POLN: variants seen among roughly 807,000 people sequenced by gnomAD.
The protein encoded by POLN is DNA polymerase N.
POLN carries 108 observed loss-of-function variants against 113.5 expected under a neutral mutation model. The ratio of observed to expected loss-of-function variants is 0.95; its 90% CI spans 0.81 to 1.12. The LOEUF is 1.12. Among genes scored for constraint, POLN ranks in the 50% most tolerant of loss-of-function variants. The pLI, the probability that POLN is intolerant of heterozygous loss-of-function variation, is 0.00. For synonymous variants in POLN, 386 were observed against 391.5 expected, an observed-to-expected ratio of 0.99 and a Z score of 0.17; for missense variants, 1,097 against 1,077.1, an observed-to-expected ratio of 1.02 and a Z score of -0.26.
At chr4:2,095,978 G>T in intron 19 of POLN, 45 bp from the exon 20 acceptor site, 1 of 1,525,894 alleles carries the variant, frequency 6.6e-7, no homozygotes, top group Non-Finnish European at 9.1e-7. Context: ...AGAAGGCACT[G>T]TCAGTGCAGG....
chr4:2,101,463 C>G (rs1350360743), intron 19 of POLN, among the ~76,000 whole-genome samples: 2 of 152,206 alleles, frequency 1.3e-5, no homozygotes, highest in East Asian at 3.9e-4. Flanking sequence ...GGGCTGGGAA[C>G]CAGAGTGACT....
Position 2,128,201 on chromosome 4 carries a change from G to GA in POLN, c.1893dup (p.Leu632SerfsTer18). 1 of 1,610,400 alleles carries GA rather than the reference G, an allele frequency of 6.2e-7. No homozygotes were observed. Among genetic ancestry groups the GA allele is most frequent in the Non-Finnish European group, 8.5e-7 (1 of 1,176,880 alleles). On this transcript the variant is annotated frameshift_variant, in exon 19 of 26. Transcript: ENST00000511885. LOFTEE classifies it high-confidence loss of function. ...TCCGGATCTCCAGATAAATGTGTAA[G>GA]AATGCGCAATTCAATCTGTGAAAAG...
chr4:2,180,999 A>G (rs999634570), intron 7 of POLN, among the ~76,000 whole-genome samples: 2 of 152,222 alleles, frequency 1.3e-5, no homozygotes, highest in Non-Finnish European at 2.9e-5. Flanking sequence ...AAGAAATGAC[A>G]GAATCTAGGA....
At chr4:2,072,578 G>T (rs546776286) in intron 25 of POLN, among the ~76,000 whole-genome samples, 4 of 152,222 alleles carry the variant, frequency 2.6e-5, no homozygotes, top group Non-Finnish European at 5.9e-5. Context: ...GGCTGCGGCC[G>T]GCAGACAAGG....
At chr4:2,239,098 CTTAAGA>C in intron 2 of POLN, 3 of 949,810 alleles carry the variant, frequency 3.2e-6, no homozygotes, top group Non-Finnish European at 4.5e-6. Context: ...TTGAAATCAT[CTTAAGA>C]TTATTTTCAC....
chr4:2,184,547 T>G (rs542162296), intron 7 of POLN, among the ~76,000 whole-genome samples: 27 of 150,268 alleles, frequency 1.8e-4, no homozygotes, highest in Admixed American at 1.5e-3. Flanking sequence ...AATATCAGTA[T>G]GAACTCACAG....
rs747184067 is a variant in POLN at position 2,147,643 on chromosome 4, C to CTTTT, written c.1731+9141_1731+9144dup. 6.1e-3 allele frequency among the ~76,000 whole-genome samples: 487 copies of CTTTT among 79,360 alleles called. 26 individuals are homozygous for CTTTT. The highest frequency in any genetic ancestry group is 0.019 in the African/African-American group (457 of 24,238). The allele number at this position is 79,360 out of a possible 152,430, so 52.1% of individuals were successfully genotyped here. A position where few individuals can be genotyped will look rare whatever the true frequency, so the allele number is the denominator to read the frequency against. On this transcript the variant is annotated intron_variant, in intron 16 of 25. Coordinates refer to ENST00000511885, the MANE Select transcript of POLN (RefSeq NM_181808.4). ...AGATCAGACATCCAGTTTTTCTTTT[C>CTTTT]TTTTTTTTTTTTTTTTGAGACAAAG...
chr4:2,109,676 G>A (rs1731146724), intron 19 of POLN, among the ~76,000 whole-genome samples: 1 of 152,040 alleles, frequency 6.6e-6, no homozygotes, highest in African/African-American at 2.4e-5. Context: ...AGTTTACACT[G>A]ATACTAATCT....
At chr4:2,102,662 C>T (rs570548297) in intron 19 of POLN, among the ~76,000 whole-genome samples, 1 of 152,302 alleles carries the variant, frequency 6.6e-6, no homozygotes, top group East Asian at 1.9e-4. Flanking sequence ...TCCCAGGGCA[C>T]AAGGACAGAC....
chr4:2,107,418 T>C (rs1019505115), intron 19 of POLN, among the ~76,000 whole-genome samples: 17 of 152,232 alleles, frequency 1.1e-4, no homozygotes, highest in African/African-American at 4.1e-4. Flanking sequence ...GTGTTTCATG[T>C]GTGATCTTGC....
At chr4:2,210,638 A>AGGCCG (rs1733970650) in intron 4 of POLN, among the ~76,000 whole-genome samples, 1 of 144,794 alleles carries the variant, frequency 6.9e-6, no homozygotes, top group African/African-American at 2.6e-5. Context: ...AATAAAAAAA[A>AGGCCG]GAGGCCGGGC....
chr4:2,161,681 T>C (rs1732595826), intron 13 of POLN, among the ~76,000 whole-genome samples: 1 of 152,228 alleles, frequency 6.6e-6, no homozygotes, highest in Admixed American at 6.5e-5. Context: ...GGCAGGCAGC[T>C]TCACCTGTAG....
chr4:2,101,694 C>T lies in POLN; in HGVS notation c.1983-5761G>A, dbSNP rs139193223. ...ACTGTGTGGTGCCATGAAACAATGG[C>T]GTTAGGCCTAGGCATTAGGAAAACT... On this transcript the variant is annotated intron_variant, in intron 19 of 25. Transcript: ENST00000511885. Among the ~76,000 whole-genome samples, 10 of 152,318 alleles carry T rather than the reference C, an allele frequency of 6.6e-5. No homozygotes were observed. In the South Asian group the frequency reaches 1.5e-3, roughly 22 times the overall value.
chr4:2,083,308 C>T (rs967881846), intron 21 of POLN, among the ~76,000 whole-genome samples: 3 of 152,262 alleles, frequency 2.0e-5, no homozygotes, highest in African/African-American at 7.2e-5. Context: ...CCAGACCACT[C>T]TGCAGTCTGC....
chr4:2,147,643 C>CTTT (rs747184067), intron 16 of POLN, among the ~76,000 whole-genome samples: 13 of 79,364 alleles, frequency 1.6e-4, no homozygotes, highest in Admixed American at 1.0e-3. Context: ...TTTTTCTTTT[C>CTTT]TTTTTTTTTT....
At chr4:2,156,644 A>C (rs1732441232) in intron 16 of POLN, 144 bp downstream of exon 16, 1 of 711,976 alleles carries the variant, frequency 1.4e-6, no homozygotes, top group Non-Finnish European at 2.5e-6. Context: ...ATGTTCTCAG[A>C]ATAAACAGAA....
At chr4:2,129,048 T>G (rs1318452563) in intron 18 of POLN, 131 bp downstream of exon 18, 1 of 620,458 alleles carries the variant, frequency 1.6e-6, no homozygotes, top group African/African-American at 2.1e-5. Context: ...AAAGCGAGAC[T>G]CTTGTCTCAA....
intron 19 of POLN, among the ~76,000 whole-genome samples, chr4:2,104,954 A>G (rs1423528066): frequency 6.6e-6 from 1 of 152,220 alleles, no homozygotes; most frequent in African/African-American, 2.4e-5. Context: ...AGGTGGGGGC[A>G]CACACATGCA....
intron 20 of POLN, among the ~76,000 whole-genome samples, chr4:2,095,324 C>T (rs1032294089): frequency 1.2e-4 from 18 of 152,198 alleles, no homozygotes; most frequent in Non-Finnish European, 1.8e-4. Flanking sequence ...GCCCCGCTTT[C>T]TCCTATCTGC....
Sources: gnomAD v4.1 joint callset for allele counts (sites outside exome capture counted in the v4.1 genomes callset) on GRCh38, gnomAD v4.1.1 for gene constraint, MANE v1.5 for transcripts, NCBI Gene and HGNC (gene_info 2026-07-23, HGNC 2026-07-21) for gene names.